Variants in TNIK observed in about 807,000 individuals in gnomAD.
TNIK encodes the protein TRAF2 and NCK interacting kinase.
A neutral mutation model predicts 191.3 loss-of-function variants in TNIK; 49 were observed. The ratio of observed to expected loss-of-function variants is 0.26; its 90% confidence interval spans 0.20 to 0.32. The LOEUF (loss-of-function observed/expected upper bound fraction) is 0.32, where lower values mean the gene tolerates loss of function less well. Ranked by LOEUF, TNIK falls within the 10% of genes least tolerant of loss-of-function variation. The pLI, the probability that TNIK is intolerant of heterozygous loss-of-function variation, is 1.00. For missense variants in TNIK, 1,155 were observed against 1,702.3 expected, an observed-to-expected ratio of 0.68 and a Z score of 5.66; for synonymous variants, 594 against 600.9, an observed-to-expected ratio of 0.99 and a Z score of 0.17.
chr3:171,154,696 A>C (rs1732939324), intron 12 of TNIK, among the ~76,000 whole-genome samples: 1 of 152,252 alleles, frequency 6.6e-6, no homozygotes, highest in African/African-American at 2.4e-5. Flanking sequence ...GCCAAGTAAT[A>C]GAAATTTTTA....
intron 2 of TNIK, among the ~76,000 whole-genome samples, chr3:171,314,094 T>C (rs544595305): frequency 6.6e-6 from 1 of 152,320 alleles, no homozygotes; most frequent in African/African-American, 2.4e-5. Context: ...CGCAGATATA[T>C]AGATGAAAAG....
At chr3:171,273,888 C>T (rs2109207471) in intron 2 of TNIK, among the ~76,000 whole-genome samples, 1 of 152,258 alleles carries the variant, frequency 6.6e-6, no homozygotes, top group East Asian at 1.9e-4. Flanking sequence ...GAATTAACAG[C>T]CTGATTTACT....
intron 2 of TNIK, among the ~76,000 whole-genome samples, chr3:171,293,677 T>C (rs1751943395): frequency 6.6e-6 from 1 of 152,232 alleles, no homozygotes. Context: ...TTCCACTCAA[T>C]GTATTTTTAG....
At chr3:171,269,320 T>C (rs1748807712) in intron 2 of TNIK, among the ~76,000 whole-genome samples, 2 of 152,244 alleles carry the variant, frequency 1.3e-5, no homozygotes, top group Admixed American at 6.5e-5. Context: ...AGTTGAAACA[T>C]TTCCCCGAGT....
At chr3:171,320,761 T>G (rs1489077893) in intron 2 of TNIK, among the ~76,000 whole-genome samples, 1 of 152,246 alleles carries the variant, frequency 6.6e-6, no homozygotes, top group East Asian at 1.9e-4. Context: ...CTCATATTTC[T>G]TAGAAAGCTT....
At chr3:171,177,202 G>A in intron 8 of TNIK, 124 bp downstream of exon 8, 1 of 858,282 alleles carries the variant, frequency 1.2e-6, no homozygotes, top group Non-Finnish European at 1.7e-6. Flanking sequence ...TTCTAAATAT[G>A]CCAGCTTGAA....
intron 1 of TNIK, among the ~76,000 whole-genome samples, chr3:171,405,239 AC>A (rs902888569): frequency 6.6e-6 from 1 of 151,986 alleles, no homozygotes; most frequent in Admixed American, 6.6e-5. Flanking sequence ...TAAGAAATAA[AC>A]CCCCCAGAAA....
At chr3:171,419,750 T>C (rs1183370798) in intron 1 of TNIK, among the ~76,000 whole-genome samples, 1 of 152,130 alleles carries the variant, frequency 6.6e-6, no homozygotes, top group Non-Finnish European at 1.5e-5. Flanking sequence ...GCCCGACAAG[T>C]ATCCTAAGCA....
rs73030932 is a variant in TNIK, at chr3:171,302,308, C to T, written c.123+67312G>A. On this transcript the variant is annotated intron_variant, in intron 2 of 32. Coordinates refer to ENST00000436636, the MANE Select transcript of TNIK (RefSeq NM_015028.4). Reference sequence around the variant, plus strand: ...ATTCCTAGTTTGGAATGGATCAAGACACTTCAACTGCCACACTCAAAGAGA... The same window carrying T: ...ATTCCTAGTTTGGAATGGATCAAGATACTTCAACTGCCACACTCAAAGAGA... Among the ~76,000 whole-genome samples the T allele has an allele frequency of 4.6e-3, 696 of 151,100 alleles. 4 individuals are homozygous for T. Among genetic ancestry groups the T allele is most frequent in the African/African-American group, 0.016 (655 of 41,170 alleles).
At chr3:171,281,165 C>G (rs1439633843) in intron 2 of TNIK, among the ~76,000 whole-genome samples, 1 of 149,488 alleles carries the variant, frequency 6.7e-6, no homozygotes, top group Non-Finnish European at 1.5e-5. Flanking sequence ...ATAGAAGTTA[C>G]TTTCTATTTC....
chr3:171,354,511 T>C (rs1713727575), intron 2 of TNIK, among the ~76,000 whole-genome samples: 1 of 152,166 alleles, frequency 6.6e-6, no homozygotes. Context: ...GTCCTTACCC[T>C]TGGGCTTCCT....
chr3:171,112,820 T>A (rs987838281), intron 18 of TNIK, among the ~76,000 whole-genome samples: 1 of 152,176 alleles, frequency 6.6e-6, no homozygotes. Context: ...TATAGATGAG[T>A]TACTTGACCA....
At position 171,060,133 on chromosome 3, in the gene TNIK, G is replaced by C. The variant is rs1717692918; in HGVS notation, c.*3748C>G. Among the ~76,000 whole-genome samples the C allele has an allele frequency of 6.6e-6, 1 of 152,166 alleles. No homozygotes were observed. The highest frequency in any genetic ancestry group is 2.4e-5 in the African/African-American group (1 of 41,446). The stretch of plus-strand genomic sequence containing the variant: ...AGACAGCACACACTGTTAACACAAA[G>C]AGCTCTTCCACGTTTCAAGAATACA... On this transcript the variant is annotated 3_prime_UTR_variant, in exon 33 of 33. Transcript: ENST00000436636.
chr3:171,438,317 G>A (rs1212785620), intron 1 of TNIK, among the ~76,000 whole-genome samples: 1 of 152,158 alleles, frequency 6.6e-6, no homozygotes, highest in African/African-American at 2.4e-5. Flanking sequence ...TTTCCCAGGG[G>A]TCCTGCACTT....
chr3:171,395,285 A>G (rs1178553269), intron 1 of TNIK, among the ~76,000 whole-genome samples: 1 of 152,176 alleles, frequency 6.6e-6, no homozygotes. Context: ...TGAACAATTT[A>G]CTTAATCTCT....
chr3:171,079,444 C>G, intron 28 of TNIK, 74 bp downstream of exon 28: 1 of 1,516,774 alleles, frequency 6.6e-7, no homozygotes, highest in South Asian at 1.4e-5. Flanking sequence ...ATAGAAAAAA[C>G]TAGGTGAAAC....
intron 1 of TNIK, among the ~76,000 whole-genome samples, chr3:171,390,302 C>G (rs1719300671): frequency 6.6e-6 from 1 of 152,150 alleles, no homozygotes; most frequent in Non-Finnish European, 1.5e-5. Context: ...AACTGTCAAA[C>G]CTTCACTCAG....
At chr3:171,458,348 C>T (rs1196028593) in intron 1 of TNIK, among the ~76,000 whole-genome samples, 2 of 152,140 alleles carry the variant, frequency 1.3e-5, no homozygotes, top group Non-Finnish European at 2.9e-5. Flanking sequence ...GCGCAGGGGG[C>T]AGCCGGTTCT....
chr3:171,152,033 C>G (rs1292832852), intron 12 of TNIK, among the ~76,000 whole-genome samples: 1 of 152,150 alleles, frequency 6.6e-6, no homozygotes. Context: ...GTAATCCCAG[C>G]ACTCTGGGAG....
Sources: allele counts gnomAD v4.1 joint callset (sites outside exome capture counted in the v4.1 genomes callset), GRCh38; gene constraint gnomAD v4.1.1; transcripts MANE v1.5; gene names NCBI Gene and HGNC (gene_info 2026-07-23, HGNC 2026-07-21).